SMURF1: variants seen among roughly 807,000 people sequenced by gnomAD.
SMURF1 encodes the protein SMAD specific E3 ubiquitin protein ligase 1.
In SMURF1, 44 loss-of-function variants were observed where a neutral mutation model predicts 98.0. The observed-to-expected ratio is 0.45, with a 90% CI of 0.35 to 0.58. The LOEUF is 0.58. SMURF1 is among the 20% of genes least tolerant of loss of function. The pLI, the probability that SMURF1 is intolerant of heterozygous loss-of-function variation, is 0.00. For synonymous variants in SMURF1, 396 were observed against 374.9 expected, an observed-to-expected ratio of 1.06 and a Z score of -0.65; for missense variants, 687 against 938.4, an observed-to-expected ratio of 0.73 and a Z score of 3.50.
chr7:99,061,396 A>C (rs1563011762), intron 2 of SMURF1, among the ~76,000 whole-genome samples: 1 of 152,174 alleles, frequency 6.6e-6, no homozygotes, highest in African/African-American at 2.4e-5. Context: ...AATTCCTTTA[A>C]TTATAGGGTG....
intron 1 of SMURF1, among the ~76,000 whole-genome samples, chr7:99,122,112 T>A (rs1423983348): frequency 6.0e-5 from 9 of 149,756 alleles, no homozygotes; most frequent in Non-Finnish European, 1.2e-4. Context: ...GTGGATCATC[T>A]GAGGTCAAGA....
intron 1 of SMURF1, among the ~76,000 whole-genome samples, chr7:99,081,806 C>G (rs1461638617): frequency 6.6e-6 from 1 of 152,224 alleles, no homozygotes; most frequent in East Asian, 1.9e-4. Flanking sequence ...GCGCCTGCCA[C>G]CACGCCCAGC....
At chr7:99,104,088 T>C (rs546567396) in intron 1 of SMURF1, among the ~76,000 whole-genome samples, 71 of 152,226 alleles carry the variant, frequency 4.7e-4, no homozygotes, top group African/African-American at 1.6e-3. Flanking sequence ...GGTTTCACAA[T>C]GTTGGCCAGG....
At chr7:99,056,137 C>G (rs1421688457) in intron 5 of SMURF1, among the ~76,000 whole-genome samples, 1 of 152,208 alleles carries the variant, frequency 6.6e-6, no homozygotes, top group Non-Finnish European at 1.5e-5. Context: ...AAATTACACG[C>G]AGGAAAGCAT....
intron 1 of SMURF1, among the ~76,000 whole-genome samples, chr7:99,069,182 T>C (rs886939469): frequency 2.6e-5 from 4 of 152,216 alleles, no homozygotes; most frequent in African/African-American, 7.2e-5. Flanking sequence ...GATCCCCACA[T>C]GTACATAAAT....
chr7:99,105,646 T>C (rs765534732), intron 1 of SMURF1, among the ~76,000 whole-genome samples: 1 of 152,216 alleles, frequency 6.6e-6, no homozygotes, highest in Non-Finnish European at 1.5e-5. Flanking sequence ...CCAGGCAATC[T>C]AGCTTCAAAT....
chr7:99,057,584 G>A, intron 3 of SMURF1, 33 bp from the exon 4 acceptor site: 1 of 1,454,896 alleles, frequency 6.9e-7, no homozygotes, highest in South Asian at 1.5e-5. Context: ...ATTTTTAATT[G>A]TGTTTGGTTT....
intron 1 of SMURF1, among the ~76,000 whole-genome samples, chr7:99,073,764 T>G (rs186912344): frequency 7.1e-6 from 1 of 140,628 alleles, no homozygotes; most frequent in African/African-American, 2.7e-5. Context: ...AGATTCCATC[T>G]CAAAAAAAAA....
At chr7:99,038,309 A>C in intron 14 of SMURF1, 79 bp downstream of exon 14, 1 of 1,534,212 alleles carries the variant, frequency 6.5e-7, no homozygotes, top group Non-Finnish European at 8.9e-7. Context: ...CAGGCCTCAC[A>C]CAGCGAAGGA....
chr7:99,087,972 T>A (rs1796720895), intron 1 of SMURF1, among the ~76,000 whole-genome samples: 1 of 152,008 alleles, frequency 6.6e-6, no homozygotes, highest in Admixed American at 6.6e-5. Context: ...AAAAAAAGTA[T>A]TTGGCCGGGA....
intron 1 of SMURF1, among the ~76,000 whole-genome samples, chr7:99,107,099 C>T (rs1279142362): frequency 6.6e-6 from 1 of 152,210 alleles, no homozygotes; most frequent in African/African-American, 2.4e-5. Flanking sequence ...CTGCCCTTAG[C>T]ACCTGCATAG....
chr7:99,112,798 A>C (rs1797352057), intron 1 of SMURF1, among the ~76,000 whole-genome samples: 1 of 152,178 alleles, frequency 6.6e-6, no homozygotes, highest in Admixed American at 6.5e-5. Flanking sequence ...CAAATACAGA[A>C]TATCAACAAA....
chr7:99,063,164 C>T (rs1056814088), intron 1 of SMURF1, among the ~76,000 whole-genome samples: 7 of 141,822 alleles, frequency 4.9e-5, no homozygotes, highest in Non-Finnish European at 9.1e-5. Flanking sequence ...TGAATAATGT[C>T]GTAAGTGATA....
At chr7:99,074,081 A>T (rs1375997979) in intron 1 of SMURF1, among the ~76,000 whole-genome samples, 2 of 152,226 alleles carry the variant, frequency 1.3e-5, no homozygotes, top group Non-Finnish European at 2.9e-5. Flanking sequence ...ATAATATTCA[A>T]TGAAAGCCAC....
At position 99,029,997 on chromosome 7, in the gene SMURF1, C is replaced by CA. The variant is rs1562992932; in HGVS notation, c.*586dup. 3 of 152,266 alleles carry CA rather than the reference C, an allele frequency of 2.0e-5. No homozygotes were observed. The allele number at this position is 152,266 out of a possible 1,614,324, so 9.4% of individuals were successfully genotyped here. On this transcript the variant is annotated 3_prime_UTR_variant, in exon 18 of 18. Coordinates refer to ENST00000361368, the MANE Select transcript of SMURF1 (RefSeq NM_181349.3). ...TTCAAAGGGGAAACACATTTTGACT[C>CA]AAGCTTCCTGCTGTGGCAGAATTCC...
intron 1 of SMURF1, among the ~76,000 whole-genome samples, chr7:99,089,730 A>G (rs1009073919): frequency 5.3e-5 from 8 of 152,256 alleles, no homozygotes; most frequent in African/African-American, 1.9e-4. Context: ...TACACCATTC[A>G]TCAAAATCAT....
intron 1 of SMURF1, among the ~76,000 whole-genome samples, chr7:99,101,732 G>A (rs1797086943): frequency 6.6e-6 from 1 of 152,168 alleles, no homozygotes; most frequent in African/African-American, 2.4e-5. Context: ...CTGAGGTCAG[G>A]AGTTGGAAAC....
intron 6 of SMURF1, among the ~76,000 whole-genome samples, chr7:99,053,441 T>A (rs1359896102): frequency 2.0e-5 from 3 of 152,168 alleles, no homozygotes; most frequent in African/African-American, 7.2e-5. Context: ...ATTAATTTTT[T>A]AAAAAAATCA....
intron 1 of SMURF1, among the ~76,000 whole-genome samples, chr7:99,074,648 T>C (rs138387721): frequency 6.6e-6 from 1 of 151,900 alleles, no homozygotes; most frequent in Non-Finnish European, 1.5e-5. Flanking sequence ...GGAGAAAATA[T>C]TAACAACCCA....
Sources: gnomAD v4.1 joint callset for allele counts (sites outside exome capture counted in the v4.1 genomes callset) on GRCh38, gnomAD v4.1.1 for gene constraint, MANE v1.5 for transcripts, NCBI Gene and HGNC (gene_info 2026-07-23, HGNC 2026-07-21) for gene names.